The following GUCY1A2 variants were observed in gnomAD, a reference collection of about 807,000 sequenced individuals.
GUCY1A2 encodes the protein guanylate cyclase soluble subunit alpha-2.
A neutral mutation model predicts 63.5 loss-of-function variants in GUCY1A2; 27 were observed. That is an observed-to-expected ratio of 0.43 (90% CI 0.31 to 0.59). The LOEUF (loss-of-function observed/expected upper bound fraction) is 0.59. Ranked by LOEUF, GUCY1A2 falls within the 20% of genes least tolerant of loss-of-function variation. GUCY1A2 has a pLI of 0.11. For missense variants in GUCY1A2, 768 were observed against 913.3 expected (o/e 0.84, Z 2.05); for synonymous variants, 364 against 343.5 (o/e 1.06, Z -0.66).
chr11:106,962,339 C>T (rs1184050935), intron 3 of GUCY1A2, among the ~76,000 whole-genome samples: 1 of 151,704 alleles, frequency 6.6e-6, no homozygotes, highest in Non-Finnish European at 1.5e-5. Flanking sequence ...ATCATGAGGT[C>T]AGGAGATCGA....
chr11:106,678,286 G>T lies in GUCY1A2; in HGVS notation c.*9263C>A. Reference sequence around the variant, plus strand: ...CAATTTATCTGAGAGTCCAAGCCAAGGTTAAGTTTTGGTTTCAGTGTGGTA... The same window carrying T: ...CAATTTATCTGAGAGTCCAAGCCAATGTTAAGTTTTGGTTTCAGTGTGGTA... On this transcript the variant is annotated 3_prime_UTR_variant, in exon 8 of 8. Coordinates refer to ENST00000526355, the MANE Select transcript of GUCY1A2 (RefSeq NM_000855.3). 4.9e-6 allele frequency: 1 copy of T among 205,200 alleles called. No homozygotes were observed. Among genetic ancestry groups the T allele is most frequent in the Non-Finnish European group, 1.0e-5 (1 of 100,222 alleles). The allele number at this position is 205,200 out of a possible 1,614,324, so 12.7% of individuals were successfully genotyped here. A position where few individuals can be genotyped will look rare whatever the true frequency, so the allele number is the denominator to read the frequency against.
chr11:106,757,181 G>A (rs1367588559), intron 6 of GUCY1A2, among the ~76,000 whole-genome samples: 1 of 152,090 alleles, frequency 6.6e-6, no homozygotes, highest in East Asian at 1.9e-4. Context: ...TTCTTGTGCT[G>A]TGTTTTTCAG....
intron 6 of GUCY1A2, among the ~76,000 whole-genome samples, chr11:106,743,777 T>A (rs1416776851): frequency 2.0e-5 from 3 of 152,256 alleles, no homozygotes; most frequent in African/African-American, 7.2e-5. Context: ...TAATATAGAA[T>A]GTGATAGGAT....
chr11:106,708,545 G>A lies in GUCY1A2; in HGVS notation c.1958C>T (p.Pro653Leu), dbSNP rs1344376435. 1 of 1,612,630 alleles carries A rather than the reference G, an allele frequency of 6.2e-7. No individual in the cohort carries two copies. Among genetic ancestry groups the A allele is most frequent in the Non-Finnish European group, 8.5e-7 (1 of 1,179,178 alleles). ...LASKFESGSH[P>L]RRINVSPTTY... ...GGTTGGGCTGACATTGATGCGCCGA[G>A]GGTGACTTCCCGACTCGAATTTGCT... The change falls in exon 7 of 8, where the codon CCT (proline) becomes CTT (leucine). Residue 653 changes from proline (P) to leucine (L), a missense_variant. Pro to Leu is a moderately conservative substitution (Grantham distance 98, BLOSUM62 -3). Coordinates refer to ENST00000526355, the MANE Select transcript of GUCY1A2 (RefSeq NM_000855.3).
At chr11:106,821,220 T>C (rs1858899238) in intron 4 of GUCY1A2, among the ~76,000 whole-genome samples, 1 of 152,206 alleles carries the variant, frequency 6.6e-6, no homozygotes, top group South Asian at 2.1e-4. Flanking sequence ...AAATATGAAA[T>C]GTTTATGTTT....
chr11:106,761,118 T>A (rs535667449), intron 6 of GUCY1A2, among the ~76,000 whole-genome samples: 20 of 152,300 alleles, frequency 1.3e-4, no homozygotes, highest in African/African-American at 4.8e-4. Context: ...TTCTCCTTCT[T>A]CTGGCCTTAT....
chr11:106,931,036 T>G lies in GUCY1A2; in HGVS notation c.1206+8424A>C, dbSNP rs146608603. 2.4e-3 allele frequency among the ~76,000 whole-genome samples: 361 copies of G among 152,344 alleles called. 1 individual carries two copies. Among genetic ancestry groups the G allele is most frequent in the Non-Finnish European group, 4.2e-3 (284 of 68,030 alleles). On this transcript the variant is annotated intron_variant, in intron 4 of 7. Coordinates refer to ENST00000526355, the MANE Select transcript of GUCY1A2 (RefSeq NM_000855.3). Reference sequence around the variant, plus strand: ...ACTTACATTTCTATGAATGAAACTTTCTGAACAGAAGTTTCTCCATAAATA... The same window carrying G: ...ACTTACATTTCTATGAATGAAACTTGCTGAACAGAAGTTTCTCCATAAATA...
intron 3 of GUCY1A2, among the ~76,000 whole-genome samples, chr11:106,945,644 C>A (rs1001238037): frequency 6.6e-6 from 1 of 152,196 alleles, no homozygotes; most frequent in Non-Finnish European, 1.5e-5. Context: ...ATTACCTGGA[C>A]AGTTGTAGTA....
chr11:106,889,293 T>A (rs1187928302), intron 4 of GUCY1A2, among the ~76,000 whole-genome samples: 1 of 152,156 alleles, frequency 6.6e-6, no homozygotes, highest in East Asian at 1.9e-4. Context: ...CCTGTGTGTT[T>A]AAAAAAGTGC....
intron 1 of GUCY1A2, among the ~76,000 whole-genome samples, chr11:106,996,813 A>G (rs1040880176): frequency 2.0e-5 from 3 of 152,110 alleles, no homozygotes; most frequent in Non-Finnish European, 4.4e-5. Flanking sequence ...CATTGCTTCC[A>G]CTTCTCTTGA....
chr11:106,798,419 C>A (rs1393583293), intron 5 of GUCY1A2, among the ~76,000 whole-genome samples: 1 of 152,138 alleles, frequency 6.6e-6, no homozygotes, highest in South Asian at 2.1e-4. Flanking sequence ...TTTTATGAGG[C>A]CAGCATCATC....
At position 106,685,365 on chromosome 11, in the gene GUCY1A2, C is replaced by T. The variant is rs375670101; in HGVS notation, c.*2184G>A. On this transcript the variant is annotated 3_prime_UTR_variant, in exon 8 of 8. Coordinates refer to ENST00000526355, the MANE Select transcript of GUCY1A2 (RefSeq NM_000855.3). ...TTTCCAATGATGCTTTTCAAATATG[C>T]TTCCCGTAGATATTCTTAAGTATGG... is the stretch of plus-strand genomic sequence containing the variant. 2 of 212,986 alleles carry T rather than the reference C, an allele frequency of 9.4e-6. No individual in the cohort carries two copies. The highest frequency in any genetic ancestry group is 4.5e-5 in the African/African-American group (2 of 44,218). 13.2% of individuals were successfully genotyped at this position (212,986 alleles called of 1,614,324 possible). A position where few individuals can be genotyped will look rare whatever the true frequency, so the allele number is the denominator to read the frequency against.
intron 4 of GUCY1A2, among the ~76,000 whole-genome samples, chr11:106,874,756 A>G (rs1859727109): frequency 6.6e-6 from 1 of 151,996 alleles, no homozygotes; most frequent in Non-Finnish European, 1.5e-5. Flanking sequence ...AAGAAAGGAG[A>G]GCCACTAAAA....
At chr11:106,791,051 A>G (rs1384513633) in intron 5 of GUCY1A2, among the ~76,000 whole-genome samples, 1 of 152,186 alleles carries the variant, frequency 6.6e-6, no homozygotes, top group Admixed American at 6.5e-5. Context: ...CTCAGCACTA[A>G]AACTTGCAGT....
intron 3 of GUCY1A2, among the ~76,000 whole-genome samples, chr11:106,965,903 C>A (rs1156828873): frequency 6.8e-6 from 1 of 146,294 alleles, no homozygotes; most frequent in African/African-American, 2.6e-5. Flanking sequence ...TAACCTCAAC[C>A]TCCTCCATAT....
chr11:106,936,670 C>T, intron 4 of GUCY1A2: 2 of 1,531,888 alleles, frequency 1.3e-6, no homozygotes, highest in Non-Finnish European at 1.7e-6. Flanking sequence ...TTGAATCCTG[C>T]CACTGATAAC....
chr11:106,740,560 T>C (rs1457183885), intron 6 of GUCY1A2, among the ~76,000 whole-genome samples: 1 of 152,178 alleles, frequency 6.6e-6, no homozygotes, highest in Non-Finnish European at 1.5e-5. Context: ...GATGATTCAA[T>C]ATCACTTCTT....
chr11:106,790,303 C>G (rs577380505), intron 5 of GUCY1A2, among the ~76,000 whole-genome samples: 2 of 152,202 alleles, frequency 1.3e-5, no homozygotes, highest in Non-Finnish European at 2.9e-5. Flanking sequence ...ATCAAACAGG[C>G]TACCGCTGAT....
intron 4 of GUCY1A2, among the ~76,000 whole-genome samples, chr11:106,909,355 C>CTG (rs59067320): frequency 0.035 from 4,209 of 120,002 alleles, 149 homozygotes; most frequent in Middle Eastern, 0.046. Flanking sequence ...TGGTACTCAT[C>CTG]TGTGTGTGTG....
Sources: allele counts gnomAD v4.1 joint callset (sites outside exome capture counted in the v4.1 genomes callset), GRCh38; gene constraint gnomAD v4.1.1; transcripts MANE v1.5; gene names NCBI Gene and HGNC (gene_info 2026-07-23, HGNC 2026-07-21).